Variants in CSMD1 observed in about 807,000 individuals in gnomAD.
CSMD1 encodes CUB and Sushi multiple domains 1.
Under a neutral mutation model 417.5 loss-of-function variants are expected in CSMD1, and 213 were observed. The observed-to-expected ratio is 0.51, with a 90% CI of 0.46 to 0.57. The LOEUF is 0.57. Among genes scored for constraint, CSMD1 ranks in the 20% least tolerant of loss-of-function variants. CSMD1 has a pLI of 0.00. For synonymous variants in CSMD1, 2,862 were observed against 1,736.8 expected, an observed-to-expected ratio of 1.65 and a Z score of -16.11; for missense variants, 6,923 against 4,529.7, an observed-to-expected ratio of 1.53 and a Z score of -15.17.
At chr8:4,022,476 G>C (rs1004201247) in intron 4 of CSMD1, among the ~76,000 whole-genome samples, 2 of 152,112 alleles carry the variant, frequency 1.3e-5, no homozygotes, top group African/African-American at 4.8e-5. Flanking sequence ...GCCTTGCTCA[G>C]GTTTAAAGAC....
chr8:4,930,162 C>A (rs549660520), intron 1 of CSMD1, among the ~76,000 whole-genome samples: 69 of 152,260 alleles, frequency 4.5e-4, no homozygotes, highest in African/African-American at 1.6e-3. Context: ...AGATTCATAT[C>A]ACATAAAACG....
At chr8:4,557,155 C>T (rs201609848) in intron 2 of CSMD1, among the ~76,000 whole-genome samples, 63 of 152,306 alleles carry the variant, frequency 4.1e-4, no homozygotes, top group East Asian at 3.3e-3. Context: ...GCTTTTCCTT[C>T]CTGCTTAGCT....
At chr8:4,908,151 A>AT (rs1221187908) in intron 1 of CSMD1, among the ~76,000 whole-genome samples, 1 of 151,958 alleles carries the variant, frequency 6.6e-6, no homozygotes, top group African/African-American at 2.4e-5. Flanking sequence ...AGGTAGTTGT[A>AT]TTTTTCCTTT....
intron 3 of CSMD1, among the ~76,000 whole-genome samples, chr8:4,093,142 T>C (rs918081572): frequency 2.0e-5 from 3 of 152,178 alleles, no homozygotes; most frequent in African/African-American, 7.2e-5. Context: ...ATTATACAAG[T>C]CATATTGACT....
intron 1 of CSMD1, among the ~76,000 whole-genome samples, chr8:4,695,248 A>C (rs896112624): frequency 3.3e-5 from 5 of 152,166 alleles, no homozygotes; most frequent in South Asian, 2.1e-4. Flanking sequence ...TTCCCTGAGC[A>C]CTGCAGTTCT....
chr8:3,847,012 A>G (rs6990010), intron 5 of CSMD1, among the ~76,000 whole-genome samples: 7,481 of 152,148 alleles, frequency 0.049, 605 homozygotes, highest in African/African-American at 0.17. Context: ...TTCCAGATCC[A>G]CAGCAGATCA....
intron 1 of CSMD1, among the ~76,000 whole-genome samples, chr8:4,829,325 T>C (rs780839388): frequency 2.6e-5 from 4 of 152,186 alleles, no homozygotes; most frequent in Admixed American, 2.0e-4. Flanking sequence ...TAATCTATGT[T>C]TTCATTTAAC....
intron 10 of CSMD1, among the ~76,000 whole-genome samples, chr8:3,550,797 A>T (rs1369998854): frequency 2.0e-5 from 3 of 152,228 alleles, no homozygotes; most frequent in Non-Finnish European, 4.4e-5. Context: ...GGTCACAGAC[A>T]GGCACCTCGT....
chr8:3,945,850 T>C (rs191507232), intron 5 of CSMD1, among the ~76,000 whole-genome samples: 7 of 152,240 alleles, frequency 4.6e-5, no homozygotes, highest in South Asian at 2.1e-4. Flanking sequence ...ATATTGATTG[T>C]AGTGAATCAT....
intron 3 of CSMD1, among the ~76,000 whole-genome samples, chr8:4,183,269 T>C (rs1488630106): frequency 6.6e-6 from 1 of 152,178 alleles, no homozygotes; most frequent in East Asian, 1.9e-4. Flanking sequence ...GAAAATTTAA[T>C]TCTGTAAAAA....
At chr8:4,027,611 T>G (rs1055005492) in intron 4 of CSMD1, among the ~76,000 whole-genome samples, 1 of 152,132 alleles carries the variant, frequency 6.6e-6, no homozygotes, top group Non-Finnish European at 1.5e-5. Flanking sequence ...GAACTGTGAG[T>G]GAATTAACCT....
intron 3 of CSMD1, among the ~76,000 whole-genome samples, chr8:4,103,202 A>C (rs925487893): frequency 6.6e-6 from 1 of 152,008 alleles, no homozygotes; most frequent in Non-Finnish European, 1.5e-5. Flanking sequence ...TTTTCTAACA[A>C]AAAGGTAAAT....
intron 2 of CSMD1, among the ~76,000 whole-genome samples, chr8:4,433,430 G>A (rs1797980394): frequency 6.6e-6 from 1 of 152,046 alleles, no homozygotes; most frequent in Non-Finnish European, 1.5e-5. Flanking sequence ...ACCAGGAATA[G>A]GGCACATTAA....
intron 5 of CSMD1, among the ~76,000 whole-genome samples, chr8:3,841,453 C>T (rs1179623293): frequency 6.6e-6 from 1 of 152,172 alleles, no homozygotes; most frequent in East Asian, 1.9e-4. Flanking sequence ...CATTCTTTCA[C>T]TTGCAAGACC....
At chr8:3,516,855 G>C (rs1797302579) in intron 10 of CSMD1, among the ~76,000 whole-genome samples, 1 of 152,128 alleles carries the variant, frequency 6.6e-6, no homozygotes, top group Non-Finnish European at 1.5e-5. Flanking sequence ...CTCATTATTT[G>C]ATAAAGATAC....
chr8:4,154,425 C>T (rs117876484), intron 3 of CSMD1, among the ~76,000 whole-genome samples: 4 of 152,100 alleles, frequency 2.6e-5, no homozygotes, highest in African/African-American at 9.7e-5. Context: ...TAGCAGATGC[C>T]ACTTTATTGC....
At chr8:4,484,442 T>C (rs937790403) in intron 2 of CSMD1, among the ~76,000 whole-genome samples, 1 of 152,092 alleles carries the variant, frequency 6.6e-6, no homozygotes, top group African/African-American at 2.4e-5. Flanking sequence ...GGGGTTTTCC[T>C]TCTTTATTTC....
chr8:4,174,986 G>C (rs1251771714), intron 3 of CSMD1, among the ~76,000 whole-genome samples: 1 of 151,172 alleles, frequency 6.6e-6, no homozygotes, highest in African/African-American at 2.4e-5. Flanking sequence ...TGAGATACTT[G>C]CTGAATTGGA....
At chr8:3,461,305 G>A (rs1016869322) in intron 12 of CSMD1, among the ~76,000 whole-genome samples, 11 of 152,192 alleles carry the variant, frequency 7.2e-5, no homozygotes, top group African/African-American at 2.7e-4. Flanking sequence ...TAGAATGAGG[G>A]AATGCGCTTC....
Sources: allele counts gnomAD v4.1 joint callset (sites outside exome capture counted in the v4.1 genomes callset), GRCh38; gene constraint gnomAD v4.1.1; transcripts MANE v1.5; gene names NCBI Gene and HGNC (gene_info 2026-07-23, HGNC 2026-07-21).